The following DCLK1 variants were observed in gnomAD, a reference collection of about 807,000 sequenced individuals.
DCLK1 encodes the protein serine/threonine-protein kinase DCLK1.
Under a neutral mutation model 86.2 loss-of-function variants are expected in DCLK1, and 16 were observed. The ratio of observed to expected loss-of-function variants is 0.19; its 90% CI spans 0.13 to 0.28. The LOEUF is 0.28. Ranked by LOEUF, DCLK1 falls within the 10% of genes least tolerant of loss-of-function variation. The probability of loss-of-function intolerance (pLI) is 1.00; values close to 1 mark genes in which losing one functional copy is unlikely to be tolerated. For missense variants in DCLK1, 590 were observed against 940.2 expected (o/e 0.63, Z 4.87); for synonymous variants, 369 against 370.5 (o/e 1.00, Z 0.05).
At chr13:36,083,904 T>C (rs1175109090) in intron 3 of DCLK1, among the ~76,000 whole-genome samples, 2 of 152,196 alleles carry the variant, frequency 1.3e-5, no homozygotes, top group Non-Finnish European at 2.9e-5. Context: ...AGTCAACAGG[T>C]TCATTTCCTC....
chr13:35,878,831 G>A (rs571969087), intron 4 of DCLK1, among the ~76,000 whole-genome samples: 1 of 151,550 alleles, frequency 6.6e-6, no homozygotes, highest in African/African-American at 2.4e-5. Flanking sequence ...TGTCGCCCAG[G>A]CCAGAGTACA....
intron 3 of DCLK1, among the ~76,000 whole-genome samples, chr13:35,986,409 C>T (rs1476283357): frequency 6.6e-6 from 1 of 151,676 alleles, no homozygotes; most frequent in Non-Finnish European, 1.5e-5. Context: ...CTCAAACCCA[C>T]CCTAGCAAGC....
At chr13:35,865,421 T>A (rs949924437) in intron 5 of DCLK1, among the ~76,000 whole-genome samples, 2 of 152,256 alleles carry the variant, frequency 1.3e-5, no homozygotes, top group African/African-American at 4.8e-5. Context: ...AATTTCTTAG[T>A]GATTCATCCT....
Position 36,111,985 on chromosome 13 carries a change from T to C in DCLK1, c.607A>G (p.Ile203Val). 6.2e-7 allele frequency: 1 copy of C among 1,614,230 alleles called. No individual in the cohort carries two copies. Among genetic ancestry groups the C allele is most frequent in the Non-Finnish European group, 8.5e-7 (1 of 1,180,046 alleles). The change falls in exon 3 of 17, where the codon ATT (isoleucine) becomes GTT (valine). Residue 203 changes from isoleucine to valine, a missense_variant. Transcript: ENST00000360631. Reference sequence around the variant, plus strand: ...TGAGCCGTTTTCTTGTTCAGCAGAATCCTGACAGCTTTCCGTGGCTTCACG... The same window carrying C: ...TGAGCCGTTTTCTTGTTCAGCAGAACCCTGACAGCTTTCCGTGGCTTCACG... ...SGVKPRKAVR[I>V]LLNKKTAHSF... is the part of the protein sequence containing the mutation.
intron 3 of DCLK1, among the ~76,000 whole-genome samples, chr13:35,961,495 G>C (rs144350480): frequency 1.0e-3 from 155 of 152,240 alleles, no homozygotes; most frequent in African/African-American, 3.5e-3. Flanking sequence ...TGACCAAAGT[G>C]CATGAAAATT....
Position 36,125,843 on chromosome 13 carries a change from C to G in DCLK1, c.295G>C (p.Val99Leu). 6.2e-7 allele frequency: 1 copy of G among 1,613,560 alleles called. No individual in the cohort carries two copies. Among genetic ancestry groups the G allele is most frequent in the Non-Finnish European group, 8.5e-7 (1 of 1,179,868 alleles). The change falls in exon 2 of 17, where the codon GTG becomes CTG. Residue 99 changes from valine (V) to leucine (L), a missense_variant. Around this residue, in one of 6 missense-constraint regions of DCLK1, gnomAD observed 195 missense variants for 365.1 expected, o/e 0.53. Transcript: ENST00000360631. ...ADLTRTLSDN[V>L]NLPQGVRTIY... Reference sequence around the variant, plus strand: ...GTTCTCACTCCCTGGGGCAAATTCACGTTATCCGACAGAGTTCGGGTCAAA... The same window carrying G: ...GTTCTCACTCCCTGGGGCAAATTCAGGTTATCCGACAGAGTTCGGGTCAAA...
intron 5 of DCLK1, among the ~76,000 whole-genome samples, chr13:35,862,467 T>A (rs542656761): frequency 6.6e-6 from 1 of 152,334 alleles, no homozygotes; most frequent in African/African-American, 2.4e-5. Context: ...CATAGAGCCT[T>A]CCTGGCCCTT....
At chr13:35,888,890 A>G (rs1015981955) in intron 4 of DCLK1, among the ~76,000 whole-genome samples, 3 of 152,240 alleles carry the variant, frequency 2.0e-5, no homozygotes, top group African/African-American at 7.2e-5. Flanking sequence ...ACTGCAAGGT[A>G]AACTTGTATT....
intron 3 of DCLK1, among the ~76,000 whole-genome samples, chr13:36,064,160 C>T (rs574570319): frequency 6.6e-6 from 1 of 152,182 alleles, no homozygotes; most frequent in Non-Finnish European, 1.5e-5. Context: ...TTATTAGAGG[C>T]ATTCATTGAA....
At chr13:35,839,595 C>T (rs1466097076) in intron 6 of DCLK1, among the ~76,000 whole-genome samples, 1 of 152,120 alleles carries the variant, frequency 6.6e-6, no homozygotes, top group Non-Finnish European at 1.5e-5. Flanking sequence ...AAACATTTCT[C>T]TTCAGTTTGT....
intron 3 of DCLK1, among the ~76,000 whole-genome samples, chr13:36,030,022 T>C (rs1040600140): frequency 9.9e-5 from 15 of 152,078 alleles, no homozygotes; most frequent in Non-Finnish European, 1.9e-4. Context: ...CCTAAGCCAC[T>C]GACCCAGATC....
At chr13:35,783,607 C>T (rs987582251) in intron 16 of DCLK1, among the ~76,000 whole-genome samples, 43 of 152,076 alleles carry the variant, frequency 2.8e-4, no homozygotes, top group African/African-American at 8.9e-4. Flanking sequence ...TTTTTTGAGA[C>T]GGAGATTCGC....
rs1333622157 is a variant in DCLK1, at chr13:36,056,912, T to A, written c.723+54957A>T. Among the ~76,000 whole-genome samples the A allele has an allele frequency of 2.3e-3, 289 of 124,642 alleles. 1 individual carries two copies. The highest frequency in any genetic ancestry group is 6.6e-3 in the East Asian group (22 of 3,352). The allele number at this position is 124,642 out of a possible 152,430, so 81.8% of individuals were successfully genotyped here. A position where few individuals can be genotyped will look rare whatever the true frequency, so the allele number is the denominator to read the frequency against. ...CTGTGACAAAAAAAAAAAAAATATA[T>A]ATATATATATATATACACACACACA... On this transcript the variant is annotated intron_variant, in intron 3 of 16. Coordinates refer to ENST00000360631, the MANE Select transcript of DCLK1 (RefSeq NM_001330071.2).
At chr13:36,052,693 GAATC>G (rs1425810058) in intron 3 of DCLK1, among the ~76,000 whole-genome samples, 4 of 152,150 alleles carry the variant, frequency 2.6e-5, no homozygotes, top group Non-Finnish European at 4.4e-5. Context: ...AAAGCCAAAA[GAATC>G]AAAGCTCAAC....
intron 3 of DCLK1, among the ~76,000 whole-genome samples, chr13:36,004,573 T>G (rs905410920): frequency 1.3e-5 from 2 of 152,054 alleles, no homozygotes; most frequent in African/African-American, 4.8e-5. Context: ...TCACAAGTTT[T>G]TTGTTGTTGT....
intron 4 of DCLK1, among the ~76,000 whole-genome samples, chr13:35,930,835 C>T (rs1488381898): frequency 2.0e-5 from 3 of 152,158 alleles, no homozygotes; most frequent in Non-Finnish European, 2.9e-5. Flanking sequence ...AAGGATACTG[C>T]TCCACTTCAA....
chr13:35,794,960 C>T (rs1208306967), intron 15 of DCLK1, among the ~76,000 whole-genome samples: 1 of 152,198 alleles, frequency 6.6e-6, no homozygotes, highest in Non-Finnish European at 1.5e-5. Context: ...GATGTGATCT[C>T]TGTCCACCAG....
intron 11 of DCLK1, 60 bp downstream of exon 11, chr13:35,822,669 T>C (rs2087423071): frequency 3.1e-6 from 5 of 1,597,750 alleles, no homozygotes; most frequent in Admixed American, 1.7e-5. Context: ...AAAAGAAATA[T>C]TCATATTCCT....
intron 3 of DCLK1, among the ~76,000 whole-genome samples, chr13:36,019,133 C>T (rs946534961): frequency 6.6e-6 from 1 of 152,124 alleles, no homozygotes; most frequent in African/African-American, 2.4e-5. Context: ...CAAAGGCACT[C>T]TCTGAATTAA....
Sources: gnomAD v4.1 joint callset for allele counts (sites outside exome capture counted in the v4.1 genomes callset) on GRCh38, gnomAD v4.1.1 for gene constraint, gnomAD v4.1.1 regional missense constraint, MANE v1.5 for transcripts, NCBI Gene and HGNC (gene_info 2026-07-23, HGNC 2026-07-21) for gene names.